The following PTPRK variants were observed in gnomAD, a reference collection of about 807,000 sequenced individuals.
The protein encoded by PTPRK is protein tyrosine phosphatase receptor type K.
A neutral mutation model predicts 178.0 loss-of-function variants in PTPRK; 75 were observed. The observed-to-expected ratio is 0.42, with a 90% CI of 0.35 to 0.51. The LOEUF is 0.51. PTPRK is among the 20% of genes least tolerant of loss of function. The pLI is 0.02. For synonymous variants in PTPRK, 637 were observed against 620.6 expected, an observed-to-expected ratio of 1.03 and a Z score of -0.39; for missense variants, 1,441 against 1,797.8, an observed-to-expected ratio of 0.80 and a Z score of 3.59.
At chr6:128,197,201 C>A (rs1286531493) in intron 6 of PTPRK, among the ~76,000 whole-genome samples, 2 of 97,750 alleles carry the variant, frequency 2.0e-5, no homozygotes, top group East Asian at 5.7e-4. Flanking sequence ...TTTTTTTTGG[C>A]TTAAAAAATT....
intron 29 of PTPRK, among the ~76,000 whole-genome samples, chr6:127,972,130 C>T (rs1456228217): frequency 1.3e-5 from 2 of 152,172 alleles, no homozygotes; most frequent in African/African-American, 2.4e-5. Context: ...GATTTTGTCT[C>T]AGGAAGCAAC....
In PTPRK at chr6:128,163,869, C is replaced by T. The variant is rs538223638; in HGVS notation, c.1162+20563G>A. On this transcript the variant is annotated intron_variant, in intron 7 of 29. Transcript: ENST00000368226. ...GATGAAGTCATTGTTGCTACTAACACTATTGTAGTTTGTGGACTATTTGCA... is the reference window on the plus strand; with the variant it reads ...GATGAAGTCATTGTTGCTACTAACATTATTGTAGTTTGTGGACTATTTGCA... 2.6e-5 allele frequency among the ~76,000 whole-genome samples: 4 copies of T among 151,518 alleles called. No homozygotes were observed. The South Asian group carries it at 8.3e-4, about 31-fold the overall frequency.
chr6:128,003,560 T>C (rs997094983), intron 15 of PTPRK, among the ~76,000 whole-genome samples: 3 of 151,850 alleles, frequency 2.0e-5, no homozygotes, highest in Non-Finnish European at 4.4e-5. Context: ...TATCTCATAT[T>C]CATTCCAAAT....
intron 15 of PTPRK, chr6:128,001,247 T>A (rs1312445064): frequency 8.1e-6 from 12 of 1,487,974 alleles, no homozygotes; most frequent in Non-Finnish European, 1.1e-5. Context: ...AAACCAAAAA[T>A]ACGAATCAGT....
intron 18 of PTPRK, among the ~76,000 whole-genome samples, chr6:127,994,673 T>A (rs1380939518): frequency 6.6e-6 from 1 of 151,882 alleles, no homozygotes; most frequent in Non-Finnish European, 1.5e-5. Flanking sequence ...AATAAAGAAT[T>A]TCCATGTAGA....
chr6:128,360,533 T>C (rs533952211), intron 2 of PTPRK, among the ~76,000 whole-genome samples: 1 of 152,236 alleles, frequency 6.6e-6, no homozygotes, highest in South Asian at 2.1e-4. Context: ...TTGAGAAACA[T>C]ATAAAGAGTA....
At chr6:128,327,748 A>G (rs1452289449) in intron 2 of PTPRK, among the ~76,000 whole-genome samples, 1 of 152,234 alleles carries the variant, frequency 6.6e-6, no homozygotes, top group East Asian at 1.9e-4. Context: ...TGTAATATAA[A>G]GAATTACTAC....
rs150099779 is a variant in PTPRK, at chr6:128,397,877, T to C, written c.101-189A>G. ...ATAAATGTCTATCAGTACTTTCTGT[T>C]TGAAAAAGAAGCCCATTTGAGACCC... is the stretch of plus-strand genomic sequence containing the variant. On this transcript the variant is annotated intron_variant, in intron 1 of 29. Transcript: ENST00000368226. 6.8e-3 allele frequency among the ~76,000 whole-genome samples: 1,038 copies of C among 152,296 alleles called. 14 individuals are homozygous for C. Among genetic ancestry groups the C allele is most frequent in the Admixed American group, 0.029 (438 of 15,292 alleles).
chr6:128,028,963 T>G (rs185152545), intron 13 of PTPRK, among the ~76,000 whole-genome samples: 8 of 152,318 alleles, frequency 5.3e-5, no homozygotes, highest in Admixed American at 2.0e-4. Context: ...GTTAGAATTG[T>G]GCTGGACTGC....
chr6:128,445,926 A>G (rs1846951947), intron 1 of PTPRK, among the ~76,000 whole-genome samples: 1 of 152,206 alleles, frequency 6.6e-6, no homozygotes, highest in Non-Finnish European at 1.5e-5. Context: ...TTCCAAGTAT[A>G]TAGACCTAAC....
intron 8 of PTPRK, among the ~76,000 whole-genome samples, chr6:128,089,090 T>C (rs1415989531): frequency 2.0e-5 from 3 of 152,264 alleles, no homozygotes; most frequent in Middle Eastern, 3.4e-3. Flanking sequence ...ACCTCCCGAA[T>C]AGCTGAGATT....
At chr6:128,474,177 AAAACAAAC>A (rs10645749) in intron 1 of PTPRK, among the ~76,000 whole-genome samples, 11 of 151,190 alleles carry the variant, frequency 7.3e-5, no homozygotes, top group South Asian at 2.1e-4. Flanking sequence ...ATGGTAGGGG[AAAACAAAC>A]AAACAAACAA....
intron 13 of PTPRK, among the ~76,000 whole-genome samples, chr6:128,028,825 T>C (rs1774778358): frequency 6.6e-6 from 1 of 152,200 alleles, no homozygotes; most frequent in Non-Finnish European, 1.5e-5. Context: ...TTTGTTGATA[T>C]GATGCTTTGA....
At chr6:128,458,093 A>G (rs1449703323) in intron 1 of PTPRK, among the ~76,000 whole-genome samples, 1 of 152,136 alleles carries the variant, frequency 6.6e-6, no homozygotes, top group Non-Finnish European at 1.5e-5. Context: ...CTGGGTCAAC[A>G]CTATGGTCTC....
At chr6:128,234,404 A>G (rs1812851140) in intron 5 of PTPRK, among the ~76,000 whole-genome samples, 1 of 152,174 alleles carries the variant, frequency 6.6e-6, no homozygotes, top group South Asian at 2.1e-4. Flanking sequence ...ATGTCTGTAC[A>G]CTCATAGATC....
At chr6:128,237,145 A>G (rs908747775) in intron 5 of PTPRK, among the ~76,000 whole-genome samples, 6 of 152,166 alleles carry the variant, frequency 3.9e-5, no homozygotes, top group Admixed American at 3.9e-4. Context: ...ATAGTATATC[A>G]TTTTTCCTTT....
intron 1 of PTPRK, among the ~76,000 whole-genome samples, chr6:128,460,591 T>C (rs1848934921): frequency 1.3e-5 from 2 of 152,114 alleles, no homozygotes; most frequent in Admixed American, 6.5e-5. Flanking sequence ...GAAGTAATCA[T>C]TAAAGATAAA....
chr6:128,150,562 C>T (rs749781501), intron 7 of PTPRK, among the ~76,000 whole-genome samples: 27 of 152,112 alleles, frequency 1.8e-4, no homozygotes, highest in Non-Finnish European at 3.8e-4. Context: ...AAATGTTACG[C>T]CTTCTGTCAA....
chr6:128,361,352 A>C (rs1358854343), intron 2 of PTPRK, among the ~76,000 whole-genome samples: 1 of 152,162 alleles, frequency 6.6e-6, no homozygotes, highest in African/African-American at 2.4e-5. Context: ...GTATTCAGTT[A>C]CTTTTTGTTA....
Sources: gnomAD v4.1 joint callset for allele counts (sites outside exome capture counted in the v4.1 genomes callset) on GRCh38, gnomAD v4.1.1 for gene constraint, MANE v1.5 for transcripts, NCBI Gene and HGNC (gene_info 2026-07-23, HGNC 2026-07-21) for gene names.